HPSE: variants seen among roughly 807,000 people sequenced by gnomAD.
HPSE encodes the protein endo-glucoronidase.
In HPSE, 48 loss-of-function variants were observed where a neutral mutation model predicts 65.1. That is an observed-to-expected ratio of 0.74 (90% confidence interval 0.58 to 0.94). HPSE has a LOEUF of 0.94. Ranked by LOEUF, HPSE falls within the 40% of genes least tolerant of loss-of-function variation. The probability of loss-of-function intolerance (pLI) is 0.00; values close to 1 mark genes in which losing one functional copy is unlikely to be tolerated. For synonymous variants in HPSE, 243 were observed against 260.0 expected (o/e 0.93, Z 0.63); for missense variants, 644 against 637.5 (o/e 1.01, Z -0.11).
intron 1 of HPSE, among the ~76,000 whole-genome samples, chr4:83,323,868 G>A (rs11938649): frequency 3.3e-5 from 5 of 152,124 alleles, no homozygotes; most frequent in Non-Finnish European, 5.9e-5. Flanking sequence ...AGATGAGGAT[G>A]TTCATAAATA....
intron 1 of HPSE, among the ~76,000 whole-genome samples, chr4:83,328,313 C>T (rs971057617): frequency 6.6e-6 from 1 of 152,138 alleles, no homozygotes; most frequent in Non-Finnish European, 1.5e-5. Flanking sequence ...TTTTTGACTC[C>T]AACTCCATAA....
At position 83,310,917 on chromosome 4, in the gene HPSE, A is replaced by G. The variant is rs201410004; in HGVS notation, c.674-27T>C. The G allele has an allele frequency of 2.6e-6, 4 of 1,555,484 alleles. No homozygotes were observed. In the Admixed American group the frequency reaches 5.4e-5, roughly 21 times the overall value. ...TGAAAGACAGCAATTCTCAAAATAT[A>G]TATCGAGAAATGTTGTATTTAAAAG... On this transcript the variant is annotated intron_variant, in intron 4 of 11. Coordinates refer to ENST00000311412, the MANE Select transcript of HPSE (RefSeq NM_001098540.3).
chr4:83,327,787 T>C (rs1737209480), intron 1 of HPSE, among the ~76,000 whole-genome samples: 3 of 152,194 alleles, frequency 2.0e-5, no homozygotes, highest in Admixed American at 1.3e-4. Context: ...GAATTGGCCA[T>C]GGAGGGAGTA....
At chr4:83,323,227 C>G (rs1160285201) in intron 1 of HPSE, among the ~76,000 whole-genome samples, 2 of 152,022 alleles carry the variant, frequency 1.3e-5, no homozygotes, top group African/African-American at 2.4e-5. Flanking sequence ...TGAAAATACT[C>G]TGTATGTTAC....
rs749122804 is a variant in HPSE at position 83,322,299 on chromosome 4, T to C, written c.293A>G (p.Lys98Arg). The C allele has an allele frequency of 6.2e-7, 1 of 1,613,998 alleles. No individual in the cohort carries two copies. The highest frequency in any genetic ancestry group is 1.7e-5 in the Admixed American group (1 of 60,010). ...SPAYLRFGGT[K>R]TDFLIFDPKK... ...GGGATCGAAAATTAGGAAGTCTGTC[T>C]TGGTGCCACCAAACCTCAGGTACGC... Residue 98 changes from lysine (K) to arginine (R), a missense_variant, in exon 2 of 12, where the codon AAG (lysine) becomes AGG (arginine). Physicochemically the swap from Lys to Arg is conservative, Grantham distance 26. Coordinates refer to ENST00000311412, the MANE Select transcript of HPSE (RefSeq NM_001098540.3).
chr4:83,297,298 G>T (rs1161793008), intron 11 of HPSE, among the ~76,000 whole-genome samples: 1 of 151,528 alleles, frequency 6.6e-6, no homozygotes, highest in Non-Finnish European at 1.5e-5. Flanking sequence ...ACATTTCTCG[G>T]AATGTATCCC....
rs1737178934 is a variant in HPSE, at chr4:83,326,927, G to T, written c.228-4563C>A. 6.6e-6 allele frequency among the ~76,000 whole-genome samples: 1 copy of T among 152,182 alleles called. No homozygotes were observed. The highest frequency in any genetic ancestry group is 2.1e-4 in the South Asian group (1 of 4,834). ...CATCACATGACGGGCATCTGTGAGT[G>T]ACCTGGGTCACAGCCTGGTCCTTAG... On this transcript the variant is annotated intron_variant, in intron 1 of 11. Transcript: ENST00000311412. The surrounding 1 kb of genome is among the most constrained non-coding windows in gnomAD (Gnocchi z 4.2).
chr4:83,306,402 T>C lies in HPSE; in HGVS notation c.1092-85A>G, dbSNP rs1008874440. On this transcript the variant is annotated intron_variant, in intron 8 of 11. Coordinates refer to ENST00000311412, the MANE Select transcript of HPSE (RefSeq NM_001098540.3). ...TTGCACACCATCTTGATTTTATTTA[T>C]GTATTTATTTATTTACTTATTTATT... 15 of 681,586 alleles carry C rather than the reference T, an allele frequency of 2.2e-5. No homozygotes were observed. The South Asian group carries it at 2.7e-4, about 12-fold the overall frequency. 42.2% of individuals were successfully genotyped at this position (681,586 alleles called of 1,614,324 possible).
intron 8 of HPSE, among the ~76,000 whole-genome samples, chr4:83,308,418 G>A (rs1411724840): frequency 6.6e-6 from 1 of 152,104 alleles, no homozygotes; most frequent in East Asian, 1.9e-4. Flanking sequence ...GTCTCACTCT[G>A]TTGCCCAGTC....
chr4:83,313,119 C>T lies in HPSE; in HGVS notation c.668G>A (p.Gly223Asp). 1 of 1,607,388 alleles carries T rather than the reference C, an allele frequency of 6.2e-7. No individual in the cohort carries two copies. Among genetic ancestry groups the T allele is most frequent in the African/African-American group, 1.3e-5 (1 of 74,778 alleles). The change falls in exon 4 of 12, where the codon GGC (glycine) becomes GAC (aspartate). Residue 223 changes from glycine to aspartate, a missense_variant. By Grantham distance (94) the Gly-to-Asp change is moderately conservative (BLOSUM62 -1). Coordinates refer to ENST00000311412, the MANE Select transcript of HPSE (RefSeq NM_001098540.3). ...SKGYNISWEL[G>D]NEPNSFLKKA... ...TTGTTCCCTGGGGTACTCACCATTGCCTAGTTCCCAAGAAATGTTATACCC... is the reference window on the plus strand; with the variant it reads ...TTGTTCCCTGGGGTACTCACCATTGTCTAGTTCCCAAGAAATGTTATACCC...
intron 8 of HPSE, among the ~76,000 whole-genome samples, chr4:83,308,283 G>C (rs1189352283): frequency 6.6e-6 from 1 of 152,092 alleles, no homozygotes; most frequent in Non-Finnish European, 1.5e-5. Context: ...TGATACTCCT[G>C]TAGTCCCAGC....
Position 83,322,443 on chromosome 4 carries a change from T to C in HPSE, c.228-79A>G, listed in dbSNP as rs190611333. 13 of 1,186,088 alleles carry C rather than the reference T, an allele frequency of 1.1e-5. No individual in the cohort carries two copies. In the African/African-American group the frequency reaches 1.5e-4, roughly 14 times the overall value. 73.5% of individuals were successfully genotyped at this position (1,186,088 alleles called of 1,614,324 possible). On this transcript the variant is annotated intron_variant, in intron 1 of 11. Transcript: ENST00000311412. The stretch of plus-strand genomic sequence containing the variant: ...CAAACATTCTTACTTCCTTCTTTCC[T>C]GGTGGACCTATTTCTTAACATTTCC...
At chr4:83,302,329 A>T (rs1735983686) in intron 9 of HPSE, 61 bp from the exon 10 acceptor site, 1 of 1,045,450 alleles carries the variant, frequency 9.6e-7, no homozygotes, top group Non-Finnish European at 1.5e-6. Flanking sequence ...TCCTTATTTA[A>T]TGAAACCAGT....
At chr4:83,327,733 T>C (rs1737208085) in intron 1 of HPSE, among the ~76,000 whole-genome samples, 1 of 152,190 alleles carries the variant, frequency 6.6e-6, no homozygotes, top group South Asian at 2.1e-4. Context: ...AATGTTAAAT[T>C]TGGAGAAAAT....
At chr4:83,303,444 C>CAAT (rs61468451) in intron 9 of HPSE, among the ~76,000 whole-genome samples, 141,945 of 152,158 alleles carry the variant, frequency 0.93, 67,006 homozygotes, top group East Asian at 1. Context: ...ATATTTTAGA[C>CAAT]AAGGAAAATG....
Position 83,331,711 on chromosome 4 carries a change from A to C in HPSE, c.227+2845T>G, listed in dbSNP as rs1402361895. Among the ~76,000 whole-genome samples the C allele has an allele frequency of 2.6e-5, 4 of 152,308 alleles. No individual in the cohort carries two copies. In the East Asian group the frequency reaches 7.7e-4, roughly 29 times the overall value. On this transcript the variant is annotated intron_variant, in intron 1 of 11. Transcript: ENST00000311412. ...GAGACTAGAACCACGCCAGTGACTA[A>C]GTTTGCTTAGGCCTCTTTGAAGTAC...
Position 83,313,101 on chromosome 4 carries a change from C to G in HPSE, c.673+13G>C, listed in dbSNP as rs751332865. On this transcript the variant is annotated intron_variant, in intron 4 of 11. Coordinates refer to ENST00000311412, the MANE Select transcript of HPSE (RefSeq NM_001098540.3). Reference sequence around the variant, plus strand: ...GATCTCCTTATTAATGAATTGTTCCCTGGGGTACTCACCATTGCCTAGTTC... The same window carrying G: ...GATCTCCTTATTAATGAATTGTTCCGTGGGGTACTCACCATTGCCTAGTTC... 11 of 1,562,256 alleles carry G rather than the reference C, an allele frequency of 7.0e-6. No individual in the cohort carries two copies. The East Asian group carries it at 1.3e-4, about 19-fold the overall frequency.
At chr4:83,327,633 C>G (rs1160362753) in intron 1 of HPSE, among the ~76,000 whole-genome samples, 1 of 152,108 alleles carries the variant, frequency 6.6e-6, no homozygotes, top group African/African-American at 2.4e-5. Flanking sequence ...TTTATTTTAC[C>G]TTTTGTACAA....
intron 11 of HPSE, among the ~76,000 whole-genome samples, chr4:83,300,615 C>T (rs1171019329): frequency 8.5e-5 from 2 of 23,524 alleles, no homozygotes; most frequent in Admixed American, 5.8e-4. Flanking sequence ...GAGATCGAGA[C>T]CCATCCGGGC....
Sources: allele counts gnomAD v4.1 joint callset (sites outside exome capture counted in the v4.1 genomes callset), GRCh38; gene constraint gnomAD v4.1.1; non-coding constraint Gnocchi (gnomAD v3.1); transcripts MANE v1.5; gene names NCBI Gene and HGNC (gene_info 2026-07-23, HGNC 2026-07-21).